Variants in SYNDIG1 observed in about 807,000 individuals in gnomAD.
SYNDIG1 encodes synapse differentiation inducing 1, also known as synapse differentiation-inducing gene protein 1.
In SYNDIG1, 9 loss-of-function variants were observed where a neutral mutation model predicts 19.4. The ratio of observed to expected loss-of-function variants is 0.46; its 90% CI spans 0.28 to 0.81. The LOEUF (loss-of-function observed/expected upper bound fraction) is 0.81, where lower values mean the gene tolerates loss of function less well. Ranked by LOEUF, SYNDIG1 falls within the 30% of genes least tolerant of loss-of-function variation. The pLI, the probability that SYNDIG1 is intolerant of heterozygous loss-of-function variation, is 0.12. For missense variants in SYNDIG1, 311 were observed against 343.3 expected, an observed-to-expected ratio of 0.91 and a Z score of 0.74; for synonymous variants, 141 against 145.9, an observed-to-expected ratio of 0.97 and a Z score of 0.24.
intron 3 of SYNDIG1, among the ~76,000 whole-genome samples, chr20:24,657,393 T>A (rs2059537605): frequency 6.6e-6 from 1 of 152,108 alleles, no homozygotes; most frequent in Non-Finnish European, 1.5e-5. Flanking sequence ...TCCCCTCCCT[T>A]GGATGTAGTG....
At chr20:24,662,987 C>T (rs547662844) in intron 3 of SYNDIG1, among the ~76,000 whole-genome samples, 1 of 152,340 alleles carries the variant, frequency 6.6e-6, no homozygotes, top group South Asian at 2.1e-4. Context: ...ACGTGTCTTC[C>T]CATTTGCACC....
chr20:24,557,451 C>G (rs1005241405), intron 2 of SYNDIG1, among the ~76,000 whole-genome samples: 17 of 152,010 alleles, frequency 1.1e-4, no homozygotes, highest in African/African-American at 4.1e-4. Context: ...TACTTTTGGT[C>G]TTTGATGATG....
chr20:24,636,524 A>G (rs1386398390), intron 3 of SYNDIG1, among the ~76,000 whole-genome samples: 3 of 152,214 alleles, frequency 2.0e-5, no homozygotes, highest in Non-Finnish European at 4.4e-5. Flanking sequence ...CCATTTACAT[A>G]GCACACAAAG....
chr20:24,513,847 A>C lies in SYNDIG1; in HGVS notation c.-78-29173A>C, dbSNP rs180996979. The stretch of plus-strand genomic sequence containing the variant: ...GTCAGATTCACCAAAGTTGAAATGA[A>C]GGAAAAAATGTTAAGGGCAGCCAGA... On this transcript the variant is annotated intron_variant, in intron 1 of 3. Coordinates refer to ENST00000376862, the MANE Select transcript of SYNDIG1 (RefSeq NM_024893.3). Among the ~76,000 whole-genome samples, 138 of 152,348 alleles carry C rather than the reference A, an allele frequency of 9.1e-4. 1 individual carries two copies. The highest frequency in any genetic ancestry group is 3.3e-3 in the African/African-American group (136 of 41,582).
chr20:24,606,286 T>C (rs1166432641), intron 3 of SYNDIG1, among the ~76,000 whole-genome samples: 1 of 152,184 alleles, frequency 6.6e-6, no homozygotes, highest in Non-Finnish European at 1.5e-5. Flanking sequence ...TATGAGGCTG[T>C]GGTTAGTGGG....
chr20:24,536,969 G>A (rs758258578), intron 1 of SYNDIG1, among the ~76,000 whole-genome samples: 2 of 152,132 alleles, frequency 1.3e-5, no homozygotes, highest in Non-Finnish European at 2.9e-5. Flanking sequence ...TCTGTCAGTT[G>A]TCCACACCAC....
At chr20:24,638,172 A>C (rs957579679) in intron 3 of SYNDIG1, among the ~76,000 whole-genome samples, 1 of 152,222 alleles carries the variant, frequency 6.6e-6, no homozygotes, top group Non-Finnish European at 1.5e-5. Context: ...TGCACTGTCA[A>C]CTCATACCAA....
At chr20:24,481,178 C>G (rs1198181880) in intron 1 of SYNDIG1, among the ~76,000 whole-genome samples, 3 of 152,118 alleles carry the variant, frequency 2.0e-5, no homozygotes, top group African/African-American at 4.8e-5. Context: ...ATTCTAGTTA[C>G]TGGTATGTAG....
chr20:24,557,014 C>G (rs1019492083), intron 2 of SYNDIG1, among the ~76,000 whole-genome samples: 5 of 152,226 alleles, frequency 3.3e-5, no homozygotes, highest in Middle Eastern at 3.4e-3. Context: ...TCTTTTTATT[C>G]TTTTTTCTCT....
intron 3 of SYNDIG1, among the ~76,000 whole-genome samples, chr20:24,612,392 T>G (rs745909132): frequency 6.0e-4 from 91 of 152,320 alleles, no homozygotes; most frequent in Admixed American, 2.7e-3. Context: ...TGATGGTCCC[T>G]GTTGACATAA....
intron 1 of SYNDIG1, among the ~76,000 whole-genome samples, chr20:24,526,291 AT>A (rs61468241): frequency 6.6e-6 from 1 of 151,090 alleles, no homozygotes; most frequent in Admixed American, 6.6e-5. Context: ...TTTATGTTTC[AT>A]TTTTTTCTTA....
At chr20:24,649,932 C>A (rs1366500063) in intron 3 of SYNDIG1, among the ~76,000 whole-genome samples, 1 of 152,162 alleles carries the variant, frequency 6.6e-6, no homozygotes, top group Non-Finnish European at 1.5e-5. Flanking sequence ...AAAACTAATT[C>A]AAATGCAGGA....
chr20:24,509,990 C>T (rs144675032), intron 1 of SYNDIG1, among the ~76,000 whole-genome samples: 3,200 of 152,094 alleles, frequency 0.021, 41 homozygotes, highest in Middle Eastern at 0.041. Context: ...AAGGTGTGTG[C>T]CACCTCCCCG....
intron 1 of SYNDIG1, among the ~76,000 whole-genome samples, chr20:24,486,592 G>A (rs1356322773): frequency 5.3e-5 from 8 of 151,922 alleles, no homozygotes; most frequent in African/African-American, 1.9e-4. Context: ...TGGTCCAGTG[G>A]GTCGCTGGAA....
At chr20:24,512,304 G>A (rs1398164571) in intron 1 of SYNDIG1, among the ~76,000 whole-genome samples, 2 of 151,036 alleles carry the variant, frequency 1.3e-5, no homozygotes, top group East Asian at 3.9e-4. Flanking sequence ...AGGACAGTGG[G>A]TACAGCCCAC....
At chr20:24,475,319 G>T (rs947030512) in intron 1 of SYNDIG1, among the ~76,000 whole-genome samples, 1 of 152,178 alleles carries the variant, frequency 6.6e-6, no homozygotes, top group Non-Finnish European at 1.5e-5. Flanking sequence ...CAAAAGATTG[G>T]TACCAATTCC....
intron 2 of SYNDIG1, among the ~76,000 whole-genome samples, chr20:24,559,460 A>G (rs2057892958): frequency 6.6e-6 from 1 of 152,234 alleles, no homozygotes; most frequent in Admixed American, 6.5e-5. Context: ...TAAAAAGGAA[A>G]AAAGATCTAT....
chr20:24,487,377 C>T (rs975518140), intron 1 of SYNDIG1, among the ~76,000 whole-genome samples: 1 of 152,124 alleles, frequency 6.6e-6, no homozygotes, highest in African/African-American at 2.4e-5. Flanking sequence ...ATGAGTGTTA[C>T]AAAAGACACA....
chr20:24,542,088 G>A (rs1030891727), intron 1 of SYNDIG1, among the ~76,000 whole-genome samples: 1 of 152,124 alleles, frequency 6.6e-6, no homozygotes, highest in Admixed American at 6.5e-5. Context: ...GAAGGATGCG[G>A]AAATGACAAA....
Sources: allele counts gnomAD v4.1 joint callset (sites outside exome capture counted in the v4.1 genomes callset), GRCh38; gene constraint gnomAD v4.1.1; transcripts MANE v1.5; gene names NCBI Gene and HGNC (gene_info 2026-07-23, HGNC 2026-07-21).